The following NQO1 variants were observed in gnomAD, a reference collection of about 807,000 sequenced individuals.
NQO1 encodes the protein NAD(P)H dehydrogenase [quinone] 1.
Under a neutral mutation model 32.1 loss-of-function variants are expected in NQO1, and 30 were observed. The observed-to-expected ratio is 0.94, with a 90% confidence interval of 0.70 to 1.27. The LOEUF (loss-of-function observed/expected upper bound fraction) is 1.27. NQO1 is among the 50% of genes most tolerant of loss of function. The probability of loss-of-function intolerance (pLI) is 0.00; values close to 1 mark genes in which losing one functional copy is unlikely to be tolerated. For missense variants in NQO1, 276 were observed against 331.3 expected (o/e 0.83, Z 1.30); for synonymous variants, 109 against 119.7 (o/e 0.91, Z 0.59).
chr16:69,714,763 C>T (rs1327060112), intron 4 of NQO1, among the ~76,000 whole-genome samples: 1 of 151,938 alleles, frequency 6.6e-6, no homozygotes, highest in East Asian at 2.0e-4. Flanking sequence ...CCTGTAATCC[C>T]AGCTACTCGG....
At chr16:69,712,867 G>A (rs2038058984) in intron 5 of NQO1, among the ~76,000 whole-genome samples, 161 bp downstream of exon 5, 1 of 152,124 alleles carries the variant, frequency 6.6e-6, no homozygotes, top group Non-Finnish European at 1.5e-5. Context: ...TTAGCCGAGT[G>A]TGGTGGCGGG....
intron 5 of NQO1, 142 bp from the exon 6 acceptor site, chr16:69,711,423 G>A: frequency 1.4e-6 from 1 of 692,740 alleles, no homozygotes; most frequent in Non-Finnish European, 2.4e-6. Flanking sequence ...TTCAGAGCTA[G>A]CGTCTCTCTC....
chr16:69,717,127 C>T (rs1375924176), intron 3 of NQO1, among the ~76,000 whole-genome samples: 1 of 151,130 alleles, frequency 6.6e-6, no homozygotes, highest in Admixed American at 6.6e-5. Context: ...ACAGCCTGTA[C>T]CACCCTCCTC....
At chr16:69,725,060 T>C (rs2917670) in intron 1 of NQO1, among the ~76,000 whole-genome samples, 73,186 of 152,042 alleles carry the variant, frequency 0.48, 19,481 homozygotes, top group Non-Finnish European at 0.61. Flanking sequence ...AAGAATGAAA[T>C]ACAAGGGAAA....
At chr16:69,722,448 C>T (rs1026344965) in intron 1 of NQO1, among the ~76,000 whole-genome samples, 7 of 152,148 alleles carry the variant, frequency 4.6e-5, no homozygotes, top group Non-Finnish European at 8.8e-5. Flanking sequence ...GCGTGAGCCA[C>T]CGCGCCCAGC....
Position 69,718,129 on chromosome 16 carries a change from T to C in NQO1, c.297A>G (p.Ile99Met). ...TTCCGATGTCCCCCCATACCTGGAATATCACAAGGTCTGCGGCTTCCAGCT... is the reference window on the plus strand; with the variant it reads ...TTCCGATGTCCCCCCATACCTGGAACATCACAAGGTCTGCGGCTTCCAGCT... ...QKKLEAADLV[I>M]FQFPLQWFGV... The change falls in exon 3 of 6, where the codon ATA (isoleucine) becomes ATG (methionine). Residue 99 changes from isoleucine (I) to methionine (M), a missense_variant. Coordinates refer to ENST00000320623, the MANE Select transcript of NQO1 (RefSeq NM_000903.3). 4 of 1,613,996 alleles carry C rather than the reference T, an allele frequency of 2.5e-6. No homozygotes were observed. Among genetic ancestry groups the C allele is most frequent in the Non-Finnish European group, 3.4e-6 (4 of 1,179,878 alleles).
At chr16:69,712,646 T>G (rs1362787659) in intron 5 of NQO1, among the ~76,000 whole-genome samples, 1 of 152,220 alleles carries the variant, frequency 6.6e-6, no homozygotes, top group Admixed American at 6.5e-5. Context: ...TATTTTCAGA[T>G]GCTATCTTGA....
chr16:69,719,830 C>G (rs951955435), intron 1 of NQO1, among the ~76,000 whole-genome samples: 1 of 151,298 alleles, frequency 6.6e-6, no homozygotes, highest in East Asian at 2.0e-4. Flanking sequence ...ATGAGTTAAA[C>G]TGGCTGGGCA....
Position 69,710,654 on chromosome 16 carries a change from C to T in NQO1, c.*322G>A. 3.5e-6 allele frequency: 1 copy of T among 288,154 alleles called. No individual in the cohort carries two copies. Among genetic ancestry groups the T allele is most frequent in the Non-Finnish European group, 6.5e-6 (1 of 153,602 alleles). The allele number at this position is 288,154 out of a possible 1,614,324, so 17.8% of individuals were successfully genotyped here. Reference sequence around the variant, plus strand: ...CATTGGAGAGTTGAATGATACCTAGCCAAACTGTACCCTAAAACTTTAGCC... The same window carrying T: ...CATTGGAGAGTTGAATGATACCTAGTCAAACTGTACCCTAAAACTTTAGCC... On this transcript the variant is annotated 3_prime_UTR_variant, in exon 6 of 6. Coordinates refer to ENST00000320623, the MANE Select transcript of NQO1 (RefSeq NM_000903.3).
chr16:69,725,322 A>G (rs2038246822), intron 1 of NQO1, among the ~76,000 whole-genome samples: 1 of 152,176 alleles, frequency 6.6e-6, no homozygotes. Flanking sequence ...AAAACACAGG[A>G]TTCTGCCCCA....
chr16:69,715,821 G>A (rs2038105443), intron 3 of NQO1, among the ~76,000 whole-genome samples: 1 of 152,070 alleles, frequency 6.6e-6, no homozygotes, highest in Admixed American at 6.6e-5. Context: ...TATCGTGGAT[G>A]AAAAATCATA....
chr16:69,721,719 C>T (rs921424219), intron 1 of NQO1, among the ~76,000 whole-genome samples: 4 of 150,102 alleles, frequency 2.7e-5, no homozygotes, highest in Admixed American at 6.7e-5. Flanking sequence ...AGTGGCTGGG[C>T]GTGGTGGCTC....
chr16:69,726,553 T>C lies in NQO1; in HGVS notation c.-114A>G. ...GGCTCCGGCTGCAACCTTGTGGGAGTCGCGTGTGTAGTGCACGGTGCATTC... is the reference window on the plus strand; with the variant it reads ...GGCTCCGGCTGCAACCTTGTGGGAGCCGCGTGTGTAGTGCACGGTGCATTC... On this transcript the variant is annotated 5_prime_UTR_variant, in exon 1 of 6. Transcript: ENST00000320623. 2 of 1,447,758 alleles carry C rather than the reference T, an allele frequency of 1.4e-6. No individual in the cohort carries two copies. Among genetic ancestry groups the C allele is most frequent in the South Asian group, 1.2e-5 (1 of 82,920 alleles). 89.7% of individuals were successfully genotyped at this position (1,447,758 alleles called of 1,614,324 possible).
chr16:69,724,294 C>T (rs1209577812), intron 1 of NQO1, among the ~76,000 whole-genome samples: 4 of 152,042 alleles, frequency 2.6e-5, no homozygotes, highest in East Asian at 1.9e-4. Flanking sequence ...GCCTGGGCAA[C>T]AGAGTGAGTG....
In NQO1 at chr16:69,710,970, G is replaced by A; in HGVS notation, c.*6C>T. On this transcript the variant is annotated 3_prime_UTR_variant, in exon 6 of 6. Coordinates refer to ENST00000320623, the MANE Select transcript of NQO1 (RefSeq NM_000903.3). ...CATGTTAGAAGGAAATCCAGGCTAA[G>A]GAATCTCATTTTCTAGCTTTGATCT... The A allele has an allele frequency of 5.6e-6, 9 of 1,606,892 alleles. No individual in the cohort carries two copies. The highest frequency in any genetic ancestry group is 7.7e-6 in the Non-Finnish European group (9 of 1,175,864).
intron 1 of NQO1, among the ~76,000 whole-genome samples, chr16:69,720,028 A>G (rs1034182449): frequency 6.6e-6 from 1 of 152,158 alleles, no homozygotes; most frequent in Non-Finnish European, 1.5e-5. Flanking sequence ...CAAGGCGGGA[A>G]CATTGCTTGA....
At chr16:69,712,392 G>C (rs535991638) in intron 5 of NQO1, among the ~76,000 whole-genome samples, 1 of 152,264 alleles carries the variant, frequency 6.6e-6, no homozygotes, top group East Asian at 1.9e-4. Context: ...GACTGTATCA[G>C]CAACCTGGAG....
At chr16:69,726,315 T>C in intron 1 of NQO1, 118 bp downstream of exon 1, 1 of 1,415,098 alleles carries the variant, frequency 7.1e-7, no homozygotes. Flanking sequence ...CCTAATCTCT[T>C]CCCTTTGTGG....
Position 69,718,546 on chromosome 16 carries a change from C to G in NQO1, c.8-12G>C. On this transcript the variant is annotated splice_polypyrimidine_tract_variant and intron_variant, in intron 1 of 5. Transcript: ENST00000320623. ...CAGTGCTCTTCTGCCTACAGAGACACACACAAAGCACACACGGAAAACCCA... is the reference window on the plus strand; with the variant it reads ...CAGTGCTCTTCTGCCTACAGAGACAGACACAAAGCACACACGGAAAACCCA... 1 of 1,611,974 alleles carries G rather than the reference C, an allele frequency of 6.2e-7. No homozygotes were observed. Among genetic ancestry groups the G allele is most frequent in the Non-Finnish European group, 8.5e-7 (1 of 1,179,314 alleles).
Sources: allele counts gnomAD v4.1 joint callset (sites outside exome capture counted in the v4.1 genomes callset), GRCh38; gene constraint gnomAD v4.1.1; transcripts MANE v1.5; gene names NCBI Gene and HGNC (gene_info 2026-07-23, HGNC 2026-07-21).